LIG1: variants seen among roughly 807,000 people sequenced by gnomAD.
LIG1 encodes the protein ligase I, DNA, ATP-dependent.
A neutral mutation model predicts 115.7 loss-of-function variants in LIG1; 70 were observed. The ratio of observed to expected loss-of-function variants is 0.60; its 90% CI spans 0.50 to 0.74. The LOEUF (loss-of-function observed/expected upper bound fraction) is 0.74. Ranked by LOEUF, LIG1 falls within the 30% of genes least tolerant of loss-of-function variation. The pLI, the probability that LIG1 is intolerant of heterozygous loss-of-function variation, is 0.00. For missense variants in LIG1, 1,115 were observed against 1,225.6 expected, an observed-to-expected ratio of 0.91 and a Z score of 1.35; for synonymous variants, 487 against 495.3, an observed-to-expected ratio of 0.98 and a Z score of 0.22.
chr19:48,161,467 C>A lies in LIG1; in HGVS notation c.148G>T (p.Asp50Tyr). 1.9e-6 allele frequency: 3 copies of A among 1,614,192 alleles called. No homozygotes were observed. The highest frequency in any genetic ancestry group is 2.5e-6 in the Non-Finnish European group (3 of 1,180,038). ...CTCCCTGGCCTCTTCACCGGAGAGT[C>A]ACTCTCGGACACCACTCCATTCCAC... The part of the protein sequence containing the change: ...KEWNGVVSES[D>Y]SPVKRPGRKA... Residue 50 changes from aspartate to tyrosine, a missense_variant, in exon 4 of 28, where the codon GAC becomes TAC. Coordinates refer to ENST00000263274, the MANE Select transcript of LIG1 (RefSeq NM_000234.3).
At chr19:48,161,758 G>A (rs1427435804) in intron 3 of LIG1, among the ~76,000 whole-genome samples, 2 of 151,704 alleles carry the variant, frequency 1.3e-5, no homozygotes, top group Non-Finnish European at 2.9e-5. Flanking sequence ...CCTGTGATGG[G>A]TGATGCTGAG....
intron 5 of LIG1, 34 bp from the exon 6 acceptor site, chr19:48,154,001 C>T (rs763773303): frequency 3.2e-5 from 51 of 1,580,590 alleles, no homozygotes; most frequent in Non-Finnish European, 3.8e-5. Context: ...TATCTGACCT[C>T]GCTGGCTCGT....
At chr19:48,127,691 CAG>C in intron 20 of LIG1, 1 of 639,354 alleles carries the variant, frequency 1.6e-6, no homozygotes, top group Non-Finnish European at 2.8e-6. Context: ...AGTAAAACAA[CAG>C]AGATGCCCGA....
At chr19:48,129,973 C>T (rs1275326712) in intron 19 of LIG1, among the ~76,000 whole-genome samples, 1 of 152,190 alleles carries the variant, frequency 6.6e-6, no homozygotes, top group African/African-American at 2.4e-5. Context: ...CCAGGCTGGT[C>T]TTGAACTCCT....
At chr19:48,125,247 C>A (rs1015011143) in intron 21 of LIG1, among the ~76,000 whole-genome samples, 1 of 152,134 alleles carries the variant, frequency 6.6e-6, no homozygotes, top group African/African-American at 2.4e-5. Flanking sequence ...AAGGAACCAG[C>A]TGAGCAGGGA....
At chr19:48,136,340 G>A (rs1007762731) in intron 14 of LIG1, among the ~76,000 whole-genome samples, 2 of 152,184 alleles carry the variant, frequency 1.3e-5, no homozygotes, top group African/African-American at 4.8e-5. Context: ...CACTAGCATA[G>A]ACTGGGGAGG....
chr19:48,149,702 T>C lies in LIG1; in HGVS notation c.776+61A>G. 3 of 1,367,496 alleles carry C rather than the reference T, an allele frequency of 2.2e-6. No individual in the cohort carries two copies. The South Asian group carries it at 3.6e-5, about 16-fold the overall frequency. The allele number at this position is 1,367,496 out of a possible 1,614,324, so 84.7% of individuals were successfully genotyped here. A position where few individuals can be genotyped will look rare whatever the true frequency, so the allele number is the denominator to read the frequency against. On this transcript the variant is annotated intron_variant, in intron 9 of 27. Coordinates refer to ENST00000263274, the MANE Select transcript of LIG1 (RefSeq NM_000234.3). ...GAAGCCTGAGCTGGGGGTGGGGCTG[T>C]CGGAATGCAGAGAAGGGAACACATC...
chr19:48,151,239 CT>C lies in LIG1; in HGVS notation c.566del (p.Lys189ArgfsTer55). 6.2e-7 allele frequency: 1 copy of C among 1,611,586 alleles called. No homozygotes were observed. The highest frequency in any genetic ancestry group is 8.5e-7 in the Non-Finnish European group (1 of 1,177,784). Reference sequence around the variant, plus strand: ...AGAGGACCAGAAACTCACTGGAGGTCTTTAGGGGCTTGGGAGGCGTGGTGGG... The same window carrying C: ...AGAGGACCAGAAACTCACTGGAGGTCTTAGGGGCTTGGGAGGCGTGGTGGG... ...DQPTTPPKPL[K>X]TSKAETPTES... On this transcript the variant is annotated frameshift_variant, in exon 7 of 28. Transcript: ENST00000263274. LOFTEE classifies it high-confidence loss of function.
chr19:48,135,904 CA>C, intron 15 of LIG1, 125 bp from the exon 16 acceptor site: 1 of 928,152 alleles, frequency 1.1e-6, no homozygotes, highest in Non-Finnish European at 1.7e-6. Flanking sequence ...CCCTCCCCCC[CA>C]CCCAGGAGAG....
chr19:48,135,284 G>A (rs1425938224), intron 16 of LIG1, among the ~76,000 whole-genome samples: 2 of 152,146 alleles, frequency 1.3e-5, no homozygotes, highest in Non-Finnish European at 2.9e-5. Flanking sequence ...TGGGATTACA[G>A]GCTAATTTTT....
chr19:48,163,254 CTT>C (rs780307453), intron 2 of LIG1, among the ~76,000 whole-genome samples: 76 of 151,192 alleles, frequency 5.0e-4, no homozygotes, highest in Non-Finnish European at 7.1e-4. Flanking sequence ...AGTTTTCACT[CTT>C]GTTGCCCAAG....
intron 9 of LIG1, among the ~76,000 whole-genome samples, 181 bp downstream of exon 9, chr19:48,149,582 G>A (rs142238286): frequency 1.3e-4 from 20 of 152,158 alleles, no homozygotes; most frequent in African/African-American, 4.6e-4. Flanking sequence ...ATCTAAGAAT[G>A]GTTTTGCAAC....
At chr19:48,160,182 C>T (rs1236582572) in intron 4 of LIG1, among the ~76,000 whole-genome samples, 1 of 152,226 alleles carries the variant, frequency 6.6e-6, no homozygotes. Context: ...AGACAATAAA[C>T]TGACACTGTT....
At chr19:48,117,912 T>C (rs2122284191) in intron 25 of LIG1, 131 bp from the exon 26 acceptor site, 1 of 896,524 alleles carries the variant, frequency 1.1e-6, no homozygotes, top group Non-Finnish European at 1.8e-6. Context: ...AAATAGGAAG[T>C]GAAATAAGGG....
rs572144307 is a variant in LIG1 at position 48,124,783 on chromosome 19, G to A, written c.2005-1465C>T. On this transcript the variant is annotated intron_variant, in intron 21 of 27. Transcript: ENST00000263274. Reference sequence around the variant, plus strand: ...TAATCTCAGCGCTTTGGAAAGCGGAGGTGGGTGGATCACCTGAGGTCAGGA... The same window carrying A: ...TAATCTCAGCGCTTTGGAAAGCGGAAGTGGGTGGATCACCTGAGGTCAGGA... Among the ~76,000 whole-genome samples the A allele has an allele frequency of 2.0e-5, 3 of 152,278 alleles. No individual in the cohort carries two copies. In the South Asian group the frequency reaches 6.2e-4, roughly 32 times the overall value.
At chr19:48,162,372 G>A (rs1370702940) in intron 2 of LIG1, 21 bp from the exon 3 acceptor site, 9 of 1,562,864 alleles carry the variant, frequency 5.8e-6, no homozygotes, top group East Asian at 2.2e-5. Context: ...ATAAAAGGGG[G>A]TAAAAAAAGG....
chr19:48,162,323 T>C lies in LIG1; in HGVS notation c.46A>G (p.Lys16Glu). ...GCCTCCTTCTCAGGCTTCTTTGCTT[T>C]ACCCTCTTTCTTGGGGTGGAAAAAT... Reference protein sequence around the residue: ...MSFFHPKKEGKAKKPEKEASN... With the variant: ...MSFFHPKKEGEAKKPEKEASN... Residue 16 changes from lysine to glutamate, a missense_variant, in exon 3 of 28, where the codon AAA (lysine) becomes GAA (glutamate). Physicochemically the swap from Lys to Glu is moderately conservative, Grantham distance 56 (BLOSUM62 1). Coordinates refer to ENST00000263274, the MANE Select transcript of LIG1 (RefSeq NM_000234.3). 1 of 1,614,052 alleles carries C rather than the reference T, an allele frequency of 6.2e-7. No individual in the cohort carries two copies. Among genetic ancestry groups the C allele is most frequent in the Non-Finnish European group, 8.5e-7 (1 of 1,179,972 alleles).
In LIG1 at chr19:48,122,713, G is replaced by A. The variant is rs1568481365; in HGVS notation, c.2232+221C>T. Among the ~76,000 whole-genome samples the A allele has an allele frequency of 2.6e-5, 4 of 152,206 alleles. No homozygotes were observed. The highest frequency in any genetic ancestry group is 2.9e-5 in the Non-Finnish European group (2 of 68,034). On this transcript the variant is annotated intron_variant, in intron 23 of 27. Coordinates refer to ENST00000263274, the MANE Select transcript of LIG1 (RefSeq NM_000234.3). This position sits in a 1 kb window ranked among gnomAD's most constrained non-coding sequence, Gnocchi z 4.3. ...CATCACGCTGCACCTCGTGGGATGT[G>A]CGGTGCTTGGGCTGGGGCTGTTCTC...
rs1038863754 is a variant in LIG1, at chr19:48,137,880, G to C, written c.1088-192C>G. On this transcript the variant is annotated intron_variant, in intron 12 of 27. Coordinates refer to ENST00000263274, the MANE Select transcript of LIG1 (RefSeq NM_000234.3). The surrounding 1 kb of genome is among the most constrained non-coding windows in gnomAD (Gnocchi z 4.3). ...CGTGCCCCCAGCCACGCTGGCTGTA[G>C]GAAGTCAGCAAACATGCACGTGGAG... 4.5e-6 allele frequency: 3 copies of C among 672,788 alleles called. No homozygotes were observed. The Middle Eastern group carries it at 7.3e-4, about 165-fold the overall frequency. The allele number at this position is 672,788 out of a possible 1,614,324, so 41.7% of individuals were successfully genotyped here. A position where few individuals can be genotyped will look rare whatever the true frequency, so the allele number is the denominator to read the frequency against.
Sources: gnomAD v4.1 joint callset for allele counts (sites outside exome capture counted in the v4.1 genomes callset) on GRCh38, gnomAD v4.1.1 for gene constraint, Gnocchi (gnomAD v3.1) non-coding constraint, MANE v1.5 for transcripts, NCBI Gene and HGNC (gene_info 2026-07-23, HGNC 2026-07-21) for gene names.